The following PDE4D variants were observed in gnomAD, a reference collection of about 807,000 sequenced individuals.
PDE4D encodes 3',5'-cyclic-AMP phosphodiesterase 4D.
In PDE4D, 24 loss-of-function variants were observed where a neutral mutation model predicts 87.4. The observed-to-expected ratio is 0.27, with a 90% CI of 0.20 to 0.39. PDE4D has a LOEUF of 0.39. Ranked by LOEUF, PDE4D falls within the 10% of genes least tolerant of loss-of-function variation. The probability of loss-of-function intolerance (pLI) is 1.00; values close to 1 mark genes in which losing one functional copy is unlikely to be tolerated. For synonymous variants in PDE4D, 384 were observed against 383.2 expected (o/e 1.00, Z -0.02); for missense variants, 714 against 1,041.0 (o/e 0.69, Z 4.32).
At chr5:59,729,683 G>A (rs943598498) in intron 1 of PDE4D, among the ~76,000 whole-genome samples, 6 of 151,802 alleles carry the variant, frequency 4.0e-5, no homozygotes, top group Non-Finnish European at 8.8e-5. Flanking sequence ...ACCTACGAAA[G>A]TAAGTCTAGA....
chr5:60,313,879 T>C (rs1755278795), intron 1 of PDE4D, among the ~76,000 whole-genome samples: 1 of 152,290 alleles, frequency 6.6e-6, no homozygotes, highest in East Asian at 1.9e-4. Flanking sequence ...AAGCTTTCAA[T>C]AAAATTAAGC....
At chr5:60,471,141 C>T (rs1747785504) in intron 1 of PDE4D, among the ~76,000 whole-genome samples, 1 of 152,110 alleles carries the variant, frequency 6.6e-6, no homozygotes, top group Admixed American at 6.6e-5. Flanking sequence ...AGTGATTCCA[C>T]TTCTCATGGA....
intron 1 of PDE4D, among the ~76,000 whole-genome samples, chr5:59,559,106 G>A (rs1336936825): frequency 6.6e-6 from 1 of 152,096 alleles, no homozygotes; most frequent in Non-Finnish European, 1.5e-5. Context: ...TGAGGAAACT[G>A]CTTAATATCA....
intron 1 of PDE4D, among the ~76,000 whole-genome samples, chr5:60,393,923 T>C (rs991942569): frequency 1.3e-5 from 2 of 152,250 alleles, no homozygotes; most frequent in Admixed American, 6.5e-5. Flanking sequence ...AGAGGTTTCA[T>C]TGAATGTTTT....
At chr5:59,260,840 T>A (rs13354612) in intron 1 of PDE4D, among the ~76,000 whole-genome samples, 8,562 of 151,306 alleles carry the variant, frequency 0.057, 350 homozygotes, top group African/African-American at 0.12. Flanking sequence ...ATCTTATAAG[T>A]AACGTTTATA....
In PDE4D at chr5:59,498,948, C is replaced by T. The variant is rs550187582; in HGVS notation, c.456-282980G>A. Among the ~76,000 whole-genome samples, 380 of 152,126 alleles carry T rather than the reference C, an allele frequency of 2.5e-3. 1 individual carries two copies. Among genetic ancestry groups the T allele is most frequent in the Non-Finnish European group, 4.1e-3 (276 of 67,956 alleles). On this transcript the variant is annotated intron_variant, in intron 1 of 14. Coordinates refer to ENST00000340635, the MANE Select transcript of PDE4D (RefSeq NM_001104631.2). Reference sequence around the variant, plus strand: ...CCTAATAGACATCTATAGAATACTCCACCCAACAACTACAGAATATGCATT... The same window carrying T: ...CCTAATAGACATCTATAGAATACTCTACCCAACAACTACAGAATATGCATT...
At chr5:60,239,698 G>C (rs1180037179) in intron 1 of PDE4D, among the ~76,000 whole-genome samples, 1 of 151,794 alleles carries the variant, frequency 6.6e-6, no homozygotes, top group Non-Finnish European at 1.5e-5. Flanking sequence ...CTGTATTCAT[G>C]GTATCTGCTT....
At chr5:59,986,367 T>C (rs976701448) in intron 3 of PDE4D, 6 of 152,212 alleles carry the variant, frequency 3.9e-5, no homozygotes, top group African/African-American at 1.4e-4. Flanking sequence ...GATTTTAGAT[T>C]ACACACAATA....
At chr5:59,854,024 A>C (rs1745052101) in intron 1 of PDE4D, among the ~76,000 whole-genome samples, 1 of 152,072 alleles carries the variant, frequency 6.6e-6, no homozygotes, top group African/African-American at 2.4e-5. Flanking sequence ...ATTCCTTAGG[A>C]TAACTTCTCA....
chr5:60,484,110 A>G (rs1748943384), intron 1 of PDE4D, among the ~76,000 whole-genome samples: 2 of 152,074 alleles, frequency 1.3e-5, no homozygotes, highest in Admixed American at 1.3e-4. Flanking sequence ...TGAAAAGACT[A>G]CTAGGAATAA....
chr5:59,762,533 C>CAT lies in PDE4D; in HGVS notation c.455+130633_455+130634dup, dbSNP rs781469731. ...ATGTGTATATGTGTATATGGGTACA[C>CAT]ATGTGTATATGTGTATATGGGTACA... On this transcript the variant is annotated intron_variant, in intron 1 of 14. Coordinates refer to ENST00000340635, the MANE Select transcript of PDE4D (RefSeq NM_001104631.2). 4.4e-3 allele frequency among the ~76,000 whole-genome samples: 159 copies of CAT among 35,982 alleles called. 18 individuals carry two copies. Among genetic ancestry groups the CAT allele is most frequent in the African/African-American group, 0.018 (124 of 6,980 alleles). The allele number at this position is 35,982 out of a possible 152,430, so 23.6% of individuals were successfully genotyped here. A position where few individuals can be genotyped will look rare whatever the true frequency, so the allele number is the denominator to read the frequency against.
At chr5:59,936,326 T>C (rs537892336) in intron 3 of PDE4D, among the ~76,000 whole-genome samples, 33 of 151,978 alleles carry the variant, frequency 2.2e-4, no homozygotes, top group African/African-American at 8.0e-4. Context: ...CTAACCTGCA[T>C]GTTGTGCACA....
At chr5:59,894,084 G>A (rs567455298), upstream of PDE4D, among the ~76,000 whole-genome samples, 17 of 152,210 alleles carry the variant, frequency 1.1e-4, no homozygotes, top group Admixed American at 9.8e-4. Flanking sequence ...CTGAAAAGTT[G>A]GACAGCTCCA....
intron 1 of PDE4D, among the ~76,000 whole-genome samples, chr5:59,237,369 A>C (rs1756667376): frequency 6.6e-6 from 1 of 152,160 alleles, no homozygotes. Flanking sequence ...ACCATTTGCC[A>C]ATTTCTTTAC....
chr5:59,861,463 G>T (rs1746276264), intron 1 of PDE4D, among the ~76,000 whole-genome samples: 1 of 152,098 alleles, frequency 6.6e-6, no homozygotes, highest in Non-Finnish European at 1.5e-5. Context: ...AACATTCTCT[G>T]AATTTCCCCT....
chr5:60,345,857 C>A (rs1440585204), intron 1 of PDE4D, among the ~76,000 whole-genome samples: 1 of 152,004 alleles, frequency 6.6e-6, no homozygotes, highest in Non-Finnish European at 1.5e-5. Flanking sequence ...TAAATATGTT[C>A]AAATGCCTGA....
At chr5:59,935,197 T>C (rs1756434406) in intron 3 of PDE4D, among the ~76,000 whole-genome samples, 1 of 152,046 alleles carries the variant, frequency 6.6e-6, no homozygotes, top group African/African-American at 2.4e-5. Context: ...TATAGAGAGC[T>C]GAATTTAATG....
chr5:60,102,544 T>C (rs1173493523), intron 2 of PDE4D, among the ~76,000 whole-genome samples: 1 of 152,152 alleles, frequency 6.6e-6, no homozygotes, highest in Non-Finnish European at 1.5e-5. Flanking sequence ...CATTTTAACA[T>C]GACTGTCACG....
At chr5:59,181,218 A>C (rs1193385689) in intron 4 of PDE4D, among the ~76,000 whole-genome samples, 1 of 152,066 alleles carries the variant, frequency 6.6e-6, no homozygotes, top group Non-Finnish European at 1.5e-5. Flanking sequence ...AAGCTTTAGA[A>C]ATACTCTAAG....
Sources: gnomAD v4.1 joint callset for allele counts (sites outside exome capture counted in the v4.1 genomes callset) on GRCh38, gnomAD v4.1.1 for gene constraint, MANE v1.5 for transcripts, NCBI Gene and HGNC (gene_info 2026-07-23, HGNC 2026-07-21) for gene names.